KDM5B: variants seen among roughly 807,000 people sequenced by gnomAD.
KDM5B encodes lysine-specific demethylase 5B.
Under a neutral mutation model 193.4 loss-of-function variants are expected in KDM5B, and 144 were observed. The ratio of observed to expected loss-of-function variants is 0.74; its 90% CI spans 0.65 to 0.86. KDM5B has a LOEUF of 0.86. Among genes scored for constraint, KDM5B ranks in the 40% least tolerant of loss-of-function variants. The pLI is 0.00. For synonymous variants in KDM5B, 668 were observed against 682.6 expected (o/e 0.98, Z 0.33); for missense variants, 1,833 against 1,886.9 (o/e 0.97, Z 0.53).
At chr1:202,741,852 A>G (rs753264966) in intron 18 of KDM5B, 130 bp from the exon 19 acceptor site, 3 of 620,164 alleles carry the variant, frequency 4.8e-6, no homozygotes, top group Non-Finnish European at 8.4e-6. Context: ...GGTAAATAAG[A>G]TAACACATAA....
At chr1:202,787,854 T>C (rs979828581) in intron 1 of KDM5B, among the ~76,000 whole-genome samples, 19 of 151,454 alleles carry the variant, frequency 1.3e-4, no homozygotes, top group Non-Finnish European at 2.5e-4. Context: ...CACACCACCA[T>C]TGCACTCCAG....
chr1:202,731,053 T>C lies in KDM5B; in HGVS notation c.4032A>G (p.Pro1344=). The C allele has an allele frequency of 3.1e-6, 5 of 1,608,256 alleles. No individual in the cohort carries two copies. The highest frequency in any genetic ancestry group is 1.1e-5 in the South Asian group (1 of 90,454). The change falls in exon 25 of 27, where the codon CCA becomes CCG. Residue 1344 remains proline, a synonymous_variant. Transcript: ENST00000367265. ...CTTCCATCAATAGTTCATTCACTTC[T>C]GGACTAACACCTGTAAAAGACCAGA... ...RSCIPLHGVS[P]EVNELLMEAQ...
intron 1 of KDM5B, among the ~76,000 whole-genome samples, chr1:202,794,812 T>C (rs1046879677): frequency 2.6e-5 from 4 of 152,216 alleles, no homozygotes; most frequent in African/African-American, 7.2e-5. Context: ...CTAAACCCTA[T>C]ATATACTATG....
chr1:202,774,285 C>T (rs181322666), intron 3 of KDM5B, among the ~76,000 whole-genome samples: 3 of 152,136 alleles, frequency 2.0e-5, no homozygotes, highest in African/African-American at 4.8e-5. Context: ...CGCTCAGTTA[C>T]CCAGGCTGGA....
chr1:202,766,866 G>C (rs1000018840), intron 5 of KDM5B, 60 bp downstream of exon 5: 3 of 1,500,362 alleles, frequency 2.0e-6, no homozygotes, highest in African/African-American at 1.4e-5. Context: ...TCCAGTGCCA[G>C]ACAGCCATTG....
At position 202,753,189 on chromosome 1, in the gene KDM5B, C is replaced by T. The variant is rs1038010160; in HGVS notation, c.1539-122G>A. 31 of 795,198 alleles carry T rather than the reference C, an allele frequency of 3.9e-5. No homozygotes were observed. The East Asian group carries it at 4.5e-4, about 11-fold the overall frequency. The allele number at this position is 795,198 out of a possible 1,614,324, so 49.3% of individuals were successfully genotyped here. On this transcript the variant is annotated intron_variant, in intron 11 of 26. Coordinates refer to ENST00000367265, the MANE Select transcript of KDM5B (RefSeq NM_006618.5). ...CGCAAAAAAGGAATCCACAAACTGA[C>T]GAAATATCATTAGAAATGTGAATGT... is the stretch of plus-strand genomic sequence containing the variant.
chr1:202,729,604 A>G (rs1654798273), intron 26 of KDM5B, 103 bp downstream of exon 26: 1 of 968,086 alleles, frequency 1.0e-6, no homozygotes, highest in Non-Finnish European at 1.5e-6. Context: ...AGATCAGCTC[A>G]AAGCAGATAA....
intron 1 of KDM5B, among the ~76,000 whole-genome samples, chr1:202,783,804 C>A (rs1657297398): frequency 6.6e-6 from 1 of 152,064 alleles, no homozygotes; most frequent in African/African-American, 2.4e-5. Context: ...TGGTGTGAAC[C>A]CGGGAGGCGG....
chr1:202,733,094 A>G lies in KDM5B; in HGVS notation c.3909+307T>C, dbSNP rs181721346. Among the ~76,000 whole-genome samples, 18 of 152,358 alleles carry G rather than the reference A, an allele frequency of 1.2e-4. No homozygotes were observed. In the East Asian group the frequency reaches 3.5e-3, roughly 29 times the overall value. On this transcript the variant is annotated intron_variant, in intron 23 of 26. Transcript: ENST00000367265. ...AAGCAAAGACTTAAAGATACATCAT[A>G]TACGTATATGTAAAATATAAATGGG...
At chr1:202,777,371 AC>A in intron 1 of KDM5B, among the ~76,000 whole-genome samples, 1 of 140,514 alleles carries the variant, frequency 7.1e-6, no homozygotes, top group South Asian at 2.3e-4. Flanking sequence ...AAAAAAAAAA[AC>A]ACTCATTTAG....
At chr1:202,807,992 C>T in intron 1 of KDM5B, 110 bp downstream of exon 1, 1 of 1,135,722 alleles carries the variant, frequency 8.8e-7, no homozygotes, top group South Asian at 1.7e-5. Flanking sequence ...TTGACGAGGC[C>T]GGCGGGGCGA....
chr1:202,733,801 G>A lies in KDM5B; in HGVS notation c.3509C>T (p.Pro1170Leu), dbSNP rs765094293. ...RLANEGKLLS[P>L]LQDVDIKICL... is the part of the protein sequence containing the mutation. ...GATTTTTATATCCACATCTTGGAGA[G>A]GCGACAGCAATTTCCCTTCATTGGC... Residue 1170 changes from proline to leucine, a missense_variant, in exon 23 of 27, where the codon CCT (proline) becomes CTT (leucine). This residue lies in a region of KDM5B where 1,379 missense variants were observed against 1,349.6 expected (regional missense o/e 1.02). Transcript: ENST00000367265. 6.2e-6 allele frequency: 10 copies of A among 1,614,158 alleles called. No individual in the cohort carries two copies. The South Asian group carries it at 1.1e-4, about 18-fold the overall frequency.
At position 202,762,755 on chromosome 1, in the gene KDM5B, T is replaced by C; in HGVS notation, c.862A>G (p.Ile288Val). The part of the protein sequence containing the change: ...KQEPIERKDY[I>V]VENEKEKPKS... ...GGCTTTTCCTTCTCATTTTCTACAATATAATCTTTCCTCTCAATAGGTTCT... is the reference window on the plus strand; with the variant it reads ...GGCTTTTCCTTCTCATTTTCTACAACATAATCTTTCCTCTCAATAGGTTCT... The change falls in exon 7 of 27, where the codon ATT becomes GTT. Residue 288 changes from isoleucine to valine, a missense_variant. By Grantham distance (29) the Ile-to-Val change is conservative. Around this residue, in one of 3 missense-constraint regions of KDM5B, gnomAD observed 355 missense variants for 374.9 expected, o/e 0.95. Transcript: ENST00000367265. The C allele has an allele frequency of 6.2e-7, 1 of 1,612,522 alleles. No individual in the cohort carries two copies. Among genetic ancestry groups the C allele is most frequent in the African/African-American group, 1.3e-5 (1 of 74,996 alleles).
chr1:202,749,197 C>G, intron 13 of KDM5B, 58 bp from the exon 14 acceptor site: 1 of 1,424,500 alleles, frequency 7.0e-7, no homozygotes, highest in Non-Finnish European at 9.6e-7. Context: ...TTTCCAAACA[C>G]CTCTGACCCA....
intron 1 of KDM5B, among the ~76,000 whole-genome samples, chr1:202,793,301 G>A (rs1166641223): frequency 6.6e-6 from 1 of 152,064 alleles, no homozygotes; most frequent in African/African-American, 2.4e-5. Context: ...AAGTATATAT[G>A]CAAAAATAAT....
rs1158908629 is a variant in KDM5B, at chr1:202,733,847, C to T, written c.3463G>A (p.Ala1155Thr). ...LGEARLREME[A>T]LQSLRLANEG... Reference sequence around the variant, plus strand: ...TTGGCGAGTCTGAGAGACTGCAAGGCTTCCATTTCCCTTAGGCGAGCTTCC... The same window carrying T: ...TTGGCGAGTCTGAGAGACTGCAAGGTTTCCATTTCCCTTAGGCGAGCTTCC... The change falls in exon 23 of 27, where the codon GCC (alanine) becomes ACC (threonine). Residue 1155 changes from alanine (A) to threonine (T), a missense_variant. By Grantham distance (58) the Ala-to-Thr change is moderately conservative (BLOSUM62 0). Transcript: ENST00000367265. 1 of 1,613,482 alleles carries T rather than the reference C, an allele frequency of 6.2e-7. No individual in the cohort carries two copies. The highest frequency in any genetic ancestry group is 1.7e-5 in the Admixed American group (1 of 59,906).
intron 3 of KDM5B, 90 bp from the exon 4 acceptor site, chr1:202,773,378 A>G (rs530105535): frequency 6.5e-5 from 70 of 1,084,250 alleles, no homozygotes; most frequent in Non-Finnish European, 8.9e-5. Context: ...GTTCTTGGCT[A>G]TGGTTATCTT....
chr1:202,783,643 C>T (rs555452336), intron 1 of KDM5B, among the ~76,000 whole-genome samples: 25 of 152,222 alleles, frequency 1.6e-4, no homozygotes, highest in African/African-American at 5.5e-4. Flanking sequence ...TTCGGGAGGC[C>T]GAGGCAGGCG....
rs1332903937 is a variant in KDM5B, at chr1:202,742,780, A to C, written c.2349T>G (p.Ile783Met). The C allele has an allele frequency of 5.0e-6, 8 of 1,614,044 alleles. No individual in the cohort carries two copies. Among genetic ancestry groups the C allele is most frequent in the Non-Finnish European group, 6.8e-6 (8 of 1,180,000 alleles). Residue 783 changes from isoleucine (I) to methionine (M), a missense_variant, in exon 17 of 27, where the codon ATT (isoleucine) becomes ATG (methionine). Ile to Met is a conservative substitution (Grantham distance 10). Coordinates refer to ENST00000367265, the MANE Select transcript of KDM5B (RefSeq NM_006618.5). ...KKSLVSFKAL[I>M]EESEMKKFPD... ...GGAATTTCTTCATTTCAGATTCTTC[A>C]ATTAAAGCCTTGAAGCTGACAAGGC...
Sources: gnomAD v4.1 joint callset for allele counts (sites outside exome capture counted in the v4.1 genomes callset) on GRCh38, gnomAD v4.1.1 for gene constraint, gnomAD v4.1.1 regional missense constraint, MANE v1.5 for transcripts, NCBI Gene and HGNC (gene_info 2026-07-23, HGNC 2026-07-21) for gene names.